Variants in SNW1 observed in about 807,000 individuals in gnomAD.
SNW1 encodes the protein SNW domain-containing protein 1.
SNW1 carries 9 observed loss-of-function variants against 75.6 expected under a neutral mutation model. That is an observed-to-expected ratio of 0.12 (90% CI 0.07 to 0.21). The LOEUF (loss-of-function observed/expected upper bound fraction) is 0.21. SNW1 is among the 10% of genes least tolerant of loss of function. SNW1 has a pLI of 1.00. For synonymous variants in SNW1, 200 were observed against 219.1 expected, an observed-to-expected ratio of 0.91 and a Z score of 0.77; for missense variants, 409 against 670.9, an observed-to-expected ratio of 0.61 and a Z score of 4.31.
In SNW1 at chr14:77,751,392, A is replaced by G; in HGVS notation, c.257T>C (p.Leu86Pro). The G allele has an allele frequency of 6.2e-7, 1 of 1,613,904 alleles. No individual in the cohort carries two copies. Among genetic ancestry groups the G allele is most frequent in the South Asian group, 1.1e-5 (1 of 91,034 alleles). Residue 86 changes from leucine (L) to proline (P), a missense_variant, in exon 3 of 14, where the codon CTG (leucine) becomes CCG (proline). Physicochemically the swap from Leu to Pro is moderately conservative, Grantham distance 98 (BLOSUM62 -3). Coordinates refer to ENST00000261531, the MANE Select transcript of SNW1 (RefSeq NM_012245.3). ...TCCTTCAGAATCCACCTGAATGGCCAGCGCATTCGACATTTTTTTCTTTCG... is the reference window on the plus strand; with the variant it reads ...TCCTTCAGAATCCACCTGAATGGCCGGCGCATTCGACATTTTTTTCTTTCG... Reference protein sequence around the residue: ...MGRKKKMSNALAIQVDSEGKI... With the variant: ...MGRKKKMSNAPAIQVDSEGKI...
intron 12 of SNW1, chr14:77,720,428 C>G (rs1303968096): frequency 2.9e-6 from 2 of 688,642 alleles, no homozygotes; most frequent in African/African-American, 3.5e-5. Flanking sequence ...AGCCACCATG[C>G]CTGGCCTCCC....
intron 10 of SNW1, among the ~76,000 whole-genome samples, chr14:77,726,959 T>C (rs959245540): frequency 3.9e-5 from 6 of 152,224 alleles, no homozygotes; most frequent in African/African-American, 1.4e-4. Context: ...GTAATGTTAC[T>C]GAATTCGTTT....
At chr14:77,723,085 G>A (rs2080556197) in intron 11 of SNW1, 96 bp downstream of exon 11, 1 of 889,674 alleles carries the variant, frequency 1.1e-6, no homozygotes, top group Middle Eastern at 2.9e-4. Flanking sequence ...CTGACCTCGT[G>A]ATCCGCCCGC....
In SNW1 at chr14:77,723,246, G is replaced by A. The variant is rs1171669323; in HGVS notation, c.1065C>T (p.Ile355=). ...GTCTCTCTTTTCGCCTGTCATGCCG[G>A]ATTTCATCCCTCTCACGTGCCTCCC... ...EDGEARERDE[I]RHDRRKERQH... The change falls in exon 11 of 14, where the codon ATC becomes ATT. Residue 355 remains isoleucine (I), a synonymous_variant. Transcript: ENST00000261531. 1 of 1,614,086 alleles carries A rather than the reference G, an allele frequency of 6.2e-7. No homozygotes were observed. Among genetic ancestry groups the A allele is most frequent in the African/African-American group, 1.3e-5 (1 of 75,030 alleles).
chr14:77,734,920 T>G (rs1566830117), intron 8 of SNW1, 27 bp downstream of exon 8: 1 of 1,508,932 alleles, frequency 6.6e-7, no homozygotes, highest in Non-Finnish European at 9.2e-7. Flanking sequence ...GTTATACTAA[T>G]AGAGACTGAT....
intron 1 of SNW1, chr14:77,760,538 G>C (rs1050830061): frequency 1.1e-4 from 68 of 646,088 alleles, no homozygotes; most frequent in Middle Eastern, 1.0e-3. Context: ...TTCTATCTAC[G>C]GAAGAAATTC....
In SNW1 at chr14:77,736,001, T is replaced by C. The variant is rs767574071; in HGVS notation, c.644A>G (p.Asn215Ser). 1 of 1,612,934 alleles carries C rather than the reference T, an allele frequency of 6.2e-7. No individual in the cohort carries two copies. Among genetic ancestry groups the C allele is most frequent in the Admixed American group, 1.7e-5 (1 of 59,978 alleles). ...DPMEPPRFKINKKIPRGPPSP... is the reference protein window; with the variant it reads ...DPMEPPRFKISKKIPRGPPSP... The stretch of plus-strand genomic sequence containing the variant: ...AGGTGGTCCCCGGGGAATTTTCTTA[T>C]TAATCCTGAAGTATAAAAACACAAC... The change falls in exon 7 of 14, where the codon AAT (asparagine) becomes AGT (serine). Residue 215 changes from asparagine to serine, a missense_variant. Coordinates refer to ENST00000261531, the MANE Select transcript of SNW1 (RefSeq NM_012245.3).
chr14:77,747,376 C>A (rs973458840), intron 3 of SNW1, among the ~76,000 whole-genome samples: 1 of 152,104 alleles, frequency 6.6e-6, no homozygotes, highest in Non-Finnish European at 1.5e-5. Flanking sequence ...GCCAGGCCGC[C>A]CATCGTCTGG....
chr14:77,748,059 T>C (rs1441719679), intron 3 of SNW1, among the ~76,000 whole-genome samples: 1 of 152,246 alleles, frequency 6.6e-6, no homozygotes, highest in African/African-American at 2.4e-5. Context: ...CATTTTGTTC[T>C]GTACTAAGAA....
chr14:77,738,558 C>A (rs1364056741), intron 5 of SNW1, among the ~76,000 whole-genome samples: 1 of 152,132 alleles, frequency 6.6e-6, no homozygotes, highest in Non-Finnish European at 1.5e-5. Flanking sequence ...CCAGCCTGGG[C>A]AACACAGAAA....
intron 7 of SNW1, 149 bp from the exon 8 acceptor site, chr14:77,735,161 C>T: frequency 1.9e-6 from 1 of 533,896 alleles, no homozygotes. Context: ...TTTGCTAGCA[C>T]TAGTTTACCA....
At chr14:77,722,784 T>C (rs906907460) in intron 11 of SNW1, 1 of 397,260 alleles carries the variant, frequency 2.5e-6, no homozygotes, top group South Asian at 1.9e-5. Flanking sequence ...CTTAGTGGAC[T>C]AAAACTCTGC....
intron 12 of SNW1, among the ~76,000 whole-genome samples, chr14:77,719,661 A>C (rs112989957): frequency 8.3e-6 from 1 of 119,822 alleles, no homozygotes; most frequent in Non-Finnish European, 1.8e-5. Context: ...AACAAACAAA[A>C]AAAACTTTGA....
intron 5 of SNW1, among the ~76,000 whole-genome samples, chr14:77,737,841 A>G (rs937314005): frequency 7.2e-5 from 11 of 151,846 alleles, no homozygotes; most frequent in African/African-American, 2.4e-4. Flanking sequence ...AAAATACAAA[A>G]ATTAGCTGAG....
intron 2 of SNW1, among the ~76,000 whole-genome samples, chr14:77,751,731 G>T (rs189023621): frequency 1.1e-4 from 17 of 152,006 alleles, no homozygotes; most frequent in Non-Finnish European, 2.4e-4. Flanking sequence ...TTTTGATAGG[G>T]TGGTTGGGGA....
In SNW1 at chr14:77,718,589, TCATAA is replaced by T. The variant is rs2080509889; in HGVS notation, c.1249-64_1249-60del. On this transcript the variant is annotated intron_variant, in intron 12 of 13. Transcript: ENST00000261531. ...TAAACATTGTTTATCAAAAGCTGAA[TCATAA>T]CATGTTTACAGTAAACCCTTGCTAA... 4 of 1,162,682 alleles carry T rather than the reference TCATAA, an allele frequency of 3.4e-6. No homozygotes were observed. The Admixed American group carries it at 6.3e-5, about 18-fold the overall frequency. 72.0% of individuals were successfully genotyped at this position (1,162,682 alleles called of 1,614,324 possible).
chr14:77,734,473 C>T lies in SNW1; in HGVS notation c.774+474G>A, dbSNP rs2080653700. On this transcript the variant is annotated intron_variant, in intron 8 of 13. Transcript: ENST00000261531. The stretch of plus-strand genomic sequence containing the variant: ...ACTGATATGGGGCCGGGTGCGGTGG[C>T]TCACACCTGCAATCTAAGCCCTTTG... 2.6e-5 allele frequency among the ~76,000 whole-genome samples: 4 copies of T among 152,236 alleles called. No individual in the cohort carries two copies. The South Asian group carries it at 8.3e-4, about 31-fold the overall frequency.
intron 12 of SNW1, among the ~76,000 whole-genome samples, chr14:77,719,939 G>GTGCGCA (rs2080525373): frequency 6.6e-6 from 1 of 152,178 alleles, no homozygotes; most frequent in Non-Finnish European, 1.5e-5. Context: ...ATTCTTGTGT[G>GTGCGCA]TGCGCATGCG....
intron 5 of SNW1, among the ~76,000 whole-genome samples, chr14:77,737,757 G>A (rs1595082442): frequency 3.3e-5 from 5 of 152,120 alleles, no homozygotes; most frequent in Admixed American, 3.3e-4. Context: ...TTGGGAGGCC[G>A]AGGTGGGCAG....
Sources: gnomAD v4.1 joint callset for allele counts (sites outside exome capture counted in the v4.1 genomes callset) on GRCh38, gnomAD v4.1.1 for gene constraint, MANE v1.5 for transcripts, NCBI Gene and HGNC (gene_info 2026-07-23, HGNC 2026-07-21) for gene names.